DCDC1: variants seen among roughly 807,000 people sequenced by gnomAD.
The protein encoded by DCDC1 is doublecortin domain containing 1.
In DCDC1, 200 loss-of-function variants were observed where a neutral mutation model predicts 178.3. The observed-to-expected ratio is 1.12, with a 90% CI of 1.00 to 1.26. DCDC1 has a LOEUF of 1.26. Ranked by LOEUF, DCDC1 falls within the 50% of genes most tolerant of loss-of-function variation. The pLI is 0.00. For missense variants in DCDC1, 1,983 were observed against 1,749.2 expected (o/e 1.13, Z -2.38); for synonymous variants, 690 against 604.8 (o/e 1.14, Z -2.07).
At chr11:31,263,054 G>T in intron 8 of DCDC1, 1 of 1,612,886 alleles carries the variant, frequency 6.2e-7, no homozygotes, top group East Asian at 2.2e-5. Context: ...GAAGTATCAC[G>T]TCTCAGAGTC....
At chr11:31,213,371 T>C (rs1431593907) in intron 9 of DCDC1, among the ~76,000 whole-genome samples, 1 of 151,818 alleles carries the variant, frequency 6.6e-6, no homozygotes, top group East Asian at 1.9e-4. Flanking sequence ...ATCAATTTGT[T>C]TAACATCTAA....
intron 15 of DCDC1, among the ~76,000 whole-genome samples, chr11:31,096,429 G>C (rs1958155898): frequency 6.6e-6 from 1 of 152,196 alleles, no homozygotes. Context: ...ACTGAAATTA[G>C]TCAGACAGAA....
chr11:31,266,205 T>G (rs1380585310), intron 7 of DCDC1, among the ~76,000 whole-genome samples: 2 of 152,180 alleles, frequency 1.3e-5, no homozygotes, highest in Non-Finnish European at 2.9e-5. Context: ...AGGTTTTCCA[T>G]GAATATGAGT....
chr11:31,172,680 G>GAAAAGA (rs1056340588), intron 9 of DCDC1, among the ~76,000 whole-genome samples: 14 of 152,062 alleles, frequency 9.2e-5, no homozygotes, highest in African/African-American at 3.4e-4. Flanking sequence ...ATAAGCTAGA[G>GAAAAGA]AAAAGAAAAT....
At chr11:31,337,021 A>G (rs1950307417) in intron 1 of DCDC1, among the ~76,000 whole-genome samples, 1 of 152,216 alleles carries the variant, frequency 6.6e-6, no homozygotes, top group Non-Finnish European at 1.5e-5. Flanking sequence ...CTACCTCCAG[A>G]CTTTTACATG....
rs954895747 is a variant in DCDC1 at position 31,093,965 on chromosome 11, T to C, written c.2118+85A>G. ...TCACGCTTTCACTTGTATGCCCATGTGCATGAGAGCACCAGGTGCCAGCAA... is the reference window on the plus strand; with the variant it reads ...TCACGCTTTCACTTGTATGCCCATGCGCATGAGAGCACCAGGTGCCAGCAA... On this transcript the variant is annotated intron_variant, in intron 16 of 38. Transcript: ENST00000684477. 5.6e-6 allele frequency: 4 copies of C among 716,742 alleles called. No individual in the cohort carries two copies. In the Admixed American group the frequency reaches 7.5e-5, roughly 13 times the overall value. 44.4% of individuals were successfully genotyped at this position (716,742 alleles called of 1,614,324 possible).
intron 2 of DCDC1, among the ~76,000 whole-genome samples, chr11:31,335,221 T>C (rs1452097432): frequency 2.0e-5 from 3 of 152,200 alleles, no homozygotes; most frequent in Non-Finnish European, 4.4e-5. Context: ...GTGCGGGATA[T>C]AATCTCCTGG....
chr11:31,238,338 C>T (rs1283380128), intron 9 of DCDC1, among the ~76,000 whole-genome samples: 1 of 152,066 alleles, frequency 6.6e-6, no homozygotes, highest in Non-Finnish European at 1.5e-5. Flanking sequence ...TTACTGACAG[C>T]AACTAAAAGC....
intron 20 of DCDC1, among the ~76,000 whole-genome samples, chr11:30,978,827 C>CACACACA (rs1554991411): frequency 3.7e-4 from 52 of 140,544 alleles, no homozygotes; most frequent in African/African-American, 6.6e-4. Context: ...CACACACACA[C>CACACACA]CCCCTTCTCA....
chr11:30,888,140 AAG>A (rs1405846982), intron 36 of DCDC1, among the ~76,000 whole-genome samples: 1 of 145,606 alleles, frequency 6.9e-6, no homozygotes, highest in Admixed American at 7.0e-5. Context: ...GAAAGAAAGA[AAG>A]AAAGAAAGAA....
chr11:31,098,711 C>T (rs1244831297), intron 15 of DCDC1, among the ~76,000 whole-genome samples: 1 of 152,198 alleles, frequency 6.6e-6, no homozygotes, highest in African/African-American at 2.4e-5. Context: ...CTGAATCCAT[C>T]TTTAAAAGTG....
chr11:30,935,606 T>C (rs1010808852), intron 21 of DCDC1, among the ~76,000 whole-genome samples: 28 of 151,430 alleles, frequency 1.8e-4, no homozygotes, highest in Middle Eastern at 3.5e-3. Context: ...CAGGCTGGAG[T>C]ACAATGGTGC....
intron 20 of DCDC1, among the ~76,000 whole-genome samples, chr11:30,968,068 C>G (rs1949546947): frequency 2.0e-5 from 3 of 152,140 alleles, no homozygotes; most frequent in Non-Finnish European, 2.9e-5. Context: ...ATTTATGTTG[C>G]TGGGTGCCAG....
intron 7 of DCDC1, among the ~76,000 whole-genome samples, 177 bp from the exon 8 acceptor site, chr11:31,265,777 T>C (rs1289264281): frequency 6.6e-6 from 1 of 150,792 alleles, no homozygotes; most frequent in East Asian, 1.9e-4. Flanking sequence ...TACATTGTAC[T>C]TGCATGTGTG....
chr11:31,260,967 A>G (rs1436016565), intron 8 of DCDC1, among the ~76,000 whole-genome samples: 2 of 152,228 alleles, frequency 1.3e-5, no homozygotes, highest in East Asian at 3.8e-4. Context: ...TGTCCTAAAC[A>G]AAGGAAGCCA....
intron 20 of DCDC1, among the ~76,000 whole-genome samples, chr11:31,056,405 G>A (rs1241305367): frequency 2.0e-5 from 3 of 151,994 alleles, no homozygotes; most frequent in Admixed American, 1.3e-4. Context: ...TTAAAAGACA[G>A]AGATTGTAAT....
intron 3 of DCDC1, among the ~76,000 whole-genome samples, chr11:31,312,981 C>A (rs1022292540): frequency 2.0e-5 from 3 of 151,754 alleles, no homozygotes; most frequent in Admixed American, 6.6e-5. Flanking sequence ...CAGAGCAAGA[C>A]CTCGTCTCTA....
At chr11:31,306,505 A>G (rs1948470062) in intron 4 of DCDC1, 117 bp from the exon 5 acceptor site, 1 of 1,102,050 alleles carries the variant, frequency 9.1e-7, no homozygotes, top group East Asian at 3.0e-5. Context: ...TCCTATGTAT[A>G]TAAGTATACC....
At chr11:30,921,424 G>C (rs1436246319) in intron 24 of DCDC1, among the ~76,000 whole-genome samples, 1 of 152,028 alleles carries the variant, frequency 6.6e-6, no homozygotes, top group Non-Finnish European at 1.5e-5. Context: ...AATGGAAGGA[G>C]GAAGATCATG....
Sources: allele counts gnomAD v4.1 joint callset (sites outside exome capture counted in the v4.1 genomes callset), GRCh38; gene constraint gnomAD v4.1.1; transcripts MANE v1.5; gene names NCBI Gene and HGNC (gene_info 2026-07-23, HGNC 2026-07-21).